Variants in CCDC181 observed in about 807,000 individuals in gnomAD.
CCDC181 encodes coiled-coil domain-containing protein 181.
CCDC181 carries 35 observed loss-of-function variants against 58.7 expected under a neutral mutation model. That is an observed-to-expected ratio of 0.60 (90% CI 0.46 to 0.79). The LOEUF is 0.79. Ranked by LOEUF, CCDC181 falls within the 30% of genes least tolerant of loss-of-function variation. The pLI, the probability that CCDC181 is intolerant of heterozygous loss-of-function variation, is 0.00. For synonymous variants in CCDC181, 183 were observed against 197.5 expected, an observed-to-expected ratio of 0.93 and a Z score of 0.62; for missense variants, 517 against 583.9, an observed-to-expected ratio of 0.89 and a Z score of 1.18.
At chr1:169,439,916 C>CCTTCT (rs533483069) in intron 2 of CCDC181, among the ~76,000 whole-genome samples, 13 of 152,154 alleles carry the variant, frequency 8.5e-5, no homozygotes, top group Non-Finnish European at 1.5e-4. Flanking sequence ...TTCAGATGCT[C>CCTTCT]CTTCTCTTCT....
chr1:169,413,429 A>G (rs1304624170), intron 4 of CCDC181, among the ~76,000 whole-genome samples: 1 of 152,200 alleles, frequency 6.6e-6, no homozygotes. Flanking sequence ...GGGAGTGTAA[A>G]TTAGTTCAAC....
chr1:169,413,511 T>C (rs1656070260), intron 4 of CCDC181, among the ~76,000 whole-genome samples: 1 of 152,114 alleles, frequency 6.6e-6, no homozygotes, highest in African/African-American at 2.4e-5. Context: ...AGCAATCCCA[T>C]TACTGGATTA....
chr1:169,419,619 C>T (rs2102086203), intron 3 of CCDC181, among the ~76,000 whole-genome samples: 1 of 152,274 alleles, frequency 6.6e-6, no homozygotes, highest in Middle Eastern at 3.4e-3. Context: ...ATACTATTTT[C>T]TGAGCCCTAA....
intron 4 of CCDC181, among the ~76,000 whole-genome samples, chr1:169,418,052 C>A (rs1439171748): frequency 6.6e-6 from 1 of 152,170 alleles, no homozygotes. Context: ...TACTCTCACA[C>A]ACTGTTGGAG....
chr1:169,404,382 C>T (rs2102052631), intron 4 of CCDC181, among the ~76,000 whole-genome samples: 1 of 152,250 alleles, frequency 6.6e-6, no homozygotes, highest in Admixed American at 6.5e-5. Flanking sequence ...GACCAATACC[C>T]CTGATGAACA....
chr1:169,425,096 G>T, intron 1 of CCDC181, 146 bp from the exon 2 acceptor site: 1 of 417,844 alleles, frequency 2.4e-6, no homozygotes, highest in Non-Finnish European at 4.4e-6. Context: ...AATACACCAT[G>T]AAAGAGAGAT....
chr1:169,457,467 G>T (rs928002085), intron 2 of CCDC181, among the ~76,000 whole-genome samples: 2 of 151,820 alleles, frequency 1.3e-5, no homozygotes, highest in Admixed American at 6.6e-5. Context: ...TCATTAACAG[G>T]TTCTTGGAAA....
intron 4 of CCDC181, among the ~76,000 whole-genome samples, chr1:169,402,468 C>T (rs1655406378): frequency 6.6e-6 from 1 of 152,168 alleles, no homozygotes. Context: ...TCGGCAGAAA[C>T]TCTACAAGCC....
chr1:169,452,301 A>G (rs1438054707), intron 2 of CCDC181, among the ~76,000 whole-genome samples: 3 of 152,156 alleles, frequency 2.0e-5, no homozygotes, highest in Non-Finnish European at 2.9e-5. Context: ...ATGCTCAGCT[A>G]TATCAAACCT....
At chr1:169,446,548 A>C (rs1260266491) in intron 2 of CCDC181, among the ~76,000 whole-genome samples, 2 of 152,228 alleles carry the variant, frequency 1.3e-5, no homozygotes, top group Admixed American at 1.3e-4. Flanking sequence ...ATAAACAGTC[A>C]TCCCTCCATA....
chr1:169,424,847 A>T lies in CCDC181; in HGVS notation c.81T>A (p.Ile27=), dbSNP rs369306577. ...DDFEKDLEWL[I]NENEKSDASI... is the part of the protein sequence containing the mutation. ...TGGCATCACTTTTTTCATTTTCATTAATTAACCACTCCAGGTCCTTTTCAA... is the reference window on the plus strand; with the variant it reads ...TGGCATCACTTTTTTCATTTTCATTTATTAACCACTCCAGGTCCTTTTCAA... Residue 27 remains isoleucine, a synonymous_variant, in exon 2 of 6, where the codon ATT becomes ATA. Transcript: ENST00000367806. 1.2e-5 allele frequency: 20 copies of T among 1,604,690 alleles called. No individual in the cohort carries two copies. The African/African-American group carries it at 2.5e-4, about 20-fold the overall frequency.
At position 169,419,337 on chromosome 1, in the gene CCDC181, T is replaced by TG. The variant is rs1287593229; in HGVS notation, c.1069-179dup. 2.6e-5 allele frequency among the ~76,000 whole-genome samples: 4 copies of TG among 152,136 alleles called. No individual in the cohort carries two copies. The East Asian group carries it at 7.7e-4, about 29-fold the overall frequency. ...GCTCATGCCTGTAATCCCAGCACTC[T>TG]GGGGGGCCGAGGCAGGCAGATCACT... On this transcript the variant is annotated intron_variant, in intron 3 of 5. Coordinates refer to ENST00000367806, the MANE Select transcript of CCDC181 (RefSeq NM_001300969.2).
chr1:169,429,102 A>G (rs191248599), upstream of CCDC181, among the ~76,000 whole-genome samples: 5 of 152,186 alleles, frequency 3.3e-5, no homozygotes, highest in Non-Finnish European at 7.3e-5. Context: ...AATAACCTCC[A>G]TTTCCATCCA....
At chr1:169,457,721 G>A (rs990332258) in intron 2 of CCDC181, among the ~76,000 whole-genome samples, 3 of 152,012 alleles carry the variant, frequency 2.0e-5, no homozygotes, top group South Asian at 2.1e-4. Context: ...TAGCCATTGA[G>A]CTTTTTAAAG....
chr1:169,399,333 G>A (rs536294079), intron 4 of CCDC181, among the ~76,000 whole-genome samples: 2 of 152,122 alleles, frequency 1.3e-5, no homozygotes, highest in Non-Finnish European at 2.9e-5. Context: ...ACTGAAGATA[G>A]AACCAACATA....
chr1:169,450,322 A>C (rs1309271948), intron 2 of CCDC181, among the ~76,000 whole-genome samples: 1 of 152,166 alleles, frequency 6.6e-6, no homozygotes, highest in Non-Finnish European at 1.5e-5. Flanking sequence ...TATCTACAGA[A>C]CATTTTCATG....
intron 2 of CCDC181, among the ~76,000 whole-genome samples, chr1:169,436,345 T>C (rs937645538): frequency 6.6e-6 from 1 of 152,184 alleles, no homozygotes; most frequent in African/African-American, 2.4e-5. Flanking sequence ...TTTCACGGTA[T>C]GTTTGTGGTA....
chr1:169,407,730 C>T (rs1036729986), intron 4 of CCDC181, among the ~76,000 whole-genome samples: 1 of 152,176 alleles, frequency 6.6e-6, no homozygotes, highest in African/African-American at 2.4e-5. Flanking sequence ...CTGAGGCACT[C>T]GGCTCATCTC....
intron 2 of CCDC181, among the ~76,000 whole-genome samples, chr1:169,423,000 C>T (rs561760482): frequency 9.4e-5 from 14 of 148,866 alleles, no homozygotes; most frequent in African/African-American, 3.2e-4. Context: ...TCTGCTGTAT[C>T]TAACTAAAAG....
Sources: allele counts gnomAD v4.1 joint callset (sites outside exome capture counted in the v4.1 genomes callset), GRCh38; gene constraint gnomAD v4.1.1; transcripts MANE v1.5; gene names NCBI Gene and HGNC (gene_info 2026-07-23, HGNC 2026-07-21).